MOB3B: variants seen among roughly 807,000 people sequenced by gnomAD.
MOB3B encodes MOB kinase activator-like 2B.
In MOB3B, 7 loss-of-function variants were observed where a neutral mutation model predicts 18.7. The observed-to-expected ratio is 0.37, with a 90% confidence interval of 0.21 to 0.70. The LOEUF (loss-of-function observed/expected upper bound fraction) is 0.70. MOB3B is among the 30% of genes least tolerant of loss of function. MOB3B has a pLI of 0.52. For synonymous variants in MOB3B, 111 were observed against 99.9 expected (o/e 1.11, Z -0.66); for missense variants, 253 against 281.3 (o/e 0.90, Z 0.72).
chr9:27,504,598 A>C (rs1820032316), intron 1 of MOB3B, among the ~76,000 whole-genome samples: 1 of 152,196 alleles, frequency 6.6e-6, no homozygotes, highest in South Asian at 2.1e-4. Context: ...AGCAGGGCAC[A>C]CTAGCCAGAG....
intron 3 of MOB3B, among the ~76,000 whole-genome samples, chr9:27,337,966 A>G (rs1479328681): frequency 6.6e-6 from 1 of 152,150 alleles, no homozygotes; most frequent in African/African-American, 2.4e-5. Context: ...TCCTAGAGGT[A>G]ACAGCCACAT....
intron 1 of MOB3B, among the ~76,000 whole-genome samples, chr9:27,460,432 C>T (rs1819268296): frequency 6.6e-6 from 1 of 152,204 alleles, no homozygotes; most frequent in South Asian, 2.1e-4. Flanking sequence ...CTAAGCAACG[C>T]ACTGGCAAGG....
intron 2 of MOB3B, among the ~76,000 whole-genome samples, chr9:27,376,607 A>T (rs1041732201): frequency 6.6e-6 from 1 of 152,230 alleles, no homozygotes; most frequent in African/African-American, 2.4e-5. Flanking sequence ...AAAAAATAGA[A>T]TGGCAGTGTC....
chr9:27,341,027 T>G (rs759406076), intron 3 of MOB3B, among the ~76,000 whole-genome samples: 2 of 152,194 alleles, frequency 1.3e-5, no homozygotes, highest in Non-Finnish European at 2.9e-5. Context: ...CAATGCCCCC[T>G]GTAGGGTTGT....
chr9:27,407,958 C>G (rs1362605154), intron 2 of MOB3B, among the ~76,000 whole-genome samples: 1 of 152,150 alleles, frequency 6.6e-6, no homozygotes, highest in East Asian at 1.9e-4. Flanking sequence ...GAGACCTGGT[C>G]CTACCTGCCC....
chr9:27,369,123 C>A (rs1000015435), intron 2 of MOB3B, among the ~76,000 whole-genome samples: 1 of 152,108 alleles, frequency 6.6e-6, no homozygotes, highest in Non-Finnish European at 1.5e-5. Context: ...TGTTAATGAA[C>A]TTCATTGGTT....
chr9:27,356,912 C>G (rs888215910), intron 3 of MOB3B, among the ~76,000 whole-genome samples: 1 of 151,624 alleles, frequency 6.6e-6, no homozygotes, highest in Admixed American at 6.6e-5. Context: ...CCCAAAACAG[C>G]CTTTATAAAA....
At chr9:27,415,576 G>A (rs1034169318) in intron 2 of MOB3B, among the ~76,000 whole-genome samples, 6 of 151,986 alleles carry the variant, frequency 3.9e-5, no homozygotes, top group African/African-American at 1.5e-4. Context: ...ATTTTAGATG[G>A]GATTATTAAA....
At chr9:27,377,219 G>A (rs915867090) in intron 2 of MOB3B, among the ~76,000 whole-genome samples, 2 of 152,216 alleles carry the variant, frequency 1.3e-5, no homozygotes, top group African/African-American at 4.8e-5. Flanking sequence ...GGAAGCCTCC[G>A]AGGTGGAGGG....
At chr9:27,521,688 A>ATGTG (rs112921711) in intron 1 of MOB3B, among the ~76,000 whole-genome samples, 57 of 149,916 alleles carry the variant, frequency 3.8e-4, no homozygotes, top group South Asian at 6.3e-4. Context: ...ACTTTATAGA[A>ATGTG]TGTGTGTGTG....
intron 2 of MOB3B, among the ~76,000 whole-genome samples, chr9:27,395,568 T>C (rs1366490443): frequency 2.0e-5 from 3 of 152,234 alleles, no homozygotes; most frequent in Non-Finnish European, 4.4e-5. Flanking sequence ...CTGTTTTTAA[T>C]AACTTATTGC....
In MOB3B at chr9:27,416,548, T is replaced by C. The variant is rs1206816802; in HGVS notation, c.418+38585A>G. 1.8e-3 allele frequency among the ~76,000 whole-genome samples: 28 copies of C among 15,356 alleles called. 2 individuals carry two copies. 10.1% of individuals were successfully genotyped at this position (15,356 alleles called of 152,430 possible). A position where few individuals can be genotyped will look rare whatever the true frequency, so the allele number is the denominator to read the frequency against. On this transcript the variant is annotated intron_variant, in intron 2 of 3. Coordinates refer to ENST00000262244, the MANE Select transcript of MOB3B (RefSeq NM_024761.5). ...CCCTGGAGTAATTTCTTTTTAATTT[T>C]TTTTTTTTTTTTTTTTTTTTTTGAG... is the stretch of plus-strand genomic sequence containing the variant.
At chr9:27,394,002 G>C (rs1821765631) in intron 2 of MOB3B, 1 of 152,086 alleles carries the variant, frequency 6.6e-6, no homozygotes, top group South Asian at 2.1e-4. Context: ...ACCAGCTTTG[G>C]CTCATATTCT....
intron 3 of MOB3B, 111 bp downstream of exon 3, chr9:27,358,923 A>T: frequency 9.0e-7 from 1 of 1,111,310 alleles, no homozygotes; most frequent in Non-Finnish European, 1.4e-6. Flanking sequence ...TGCAGCCCTC[A>T]GGCTAACAGC....
chr9:27,390,163 C>T (rs986823349), intron 2 of MOB3B, among the ~76,000 whole-genome samples: 26 of 152,140 alleles, frequency 1.7e-4, no homozygotes, highest in Admixed American at 2.6e-4. Context: ...CAGCAACCTC[C>T]GCCTACCTCC....
chr9:27,416,857 C>T (rs999181968), intron 2 of MOB3B, among the ~76,000 whole-genome samples: 9 of 151,954 alleles, frequency 5.9e-5, no homozygotes, highest in Non-Finnish European at 8.8e-5. Context: ...TGCTTTTCTT[C>T]GTAAAACAGA....
At chr9:27,502,249 A>C (rs934967245) in intron 1 of MOB3B, among the ~76,000 whole-genome samples, 5 of 152,238 alleles carry the variant, frequency 3.3e-5, no homozygotes, top group South Asian at 2.1e-4. Flanking sequence ...CAGGTCCAGC[A>C]CTTTAGGACC....
chr9:27,365,409 C>T (rs1044336868), intron 2 of MOB3B, among the ~76,000 whole-genome samples: 3 of 132,106 alleles, frequency 2.3e-5, no homozygotes, highest in Admixed American at 8.4e-5. Flanking sequence ...AATTTTCAGT[C>T]ACTGTACTCA....
intron 1 of MOB3B, among the ~76,000 whole-genome samples, chr9:27,487,544 G>A (rs1203871945): frequency 1.3e-5 from 2 of 152,042 alleles, no homozygotes; most frequent in African/African-American, 2.4e-5. Context: ...GGGGGCCAGG[G>A]AGAACTGATG....
Sources: allele counts gnomAD v4.1 joint callset (sites outside exome capture counted in the v4.1 genomes callset), GRCh38; gene constraint gnomAD v4.1.1; transcripts MANE v1.5; gene names NCBI Gene and HGNC (gene_info 2026-07-23, HGNC 2026-07-21).